Variants in TUBGCP4 observed in about 807,000 individuals in gnomAD.
TUBGCP4 encodes the protein gamma-tubulin complex component 4.
Under a neutral mutation model 91.6 loss-of-function variants are expected in TUBGCP4, and 54 were observed. The ratio of observed to expected loss-of-function variants is 0.59; its 90% CI spans 0.47 to 0.74. The LOEUF (loss-of-function observed/expected upper bound fraction) is 0.74, where lower values mean the gene tolerates loss of function less well. Among genes scored for constraint, TUBGCP4 ranks in the 30% least tolerant of loss-of-function variants. The probability of loss-of-function intolerance (pLI) is 0.00; values close to 1 mark genes in which losing one functional copy is unlikely to be tolerated. For missense variants in TUBGCP4, 593 were observed against 800.9 expected, an observed-to-expected ratio of 0.74 and a Z score of 3.13; for synonymous variants, 297 against 302.8, an observed-to-expected ratio of 0.98 and a Z score of 0.20.
At chr15:43,374,454 A>T (rs189651701) in intron 1 of TUBGCP4, among the ~76,000 whole-genome samples, 1,744 of 152,114 alleles carry the variant, frequency 0.011, 38 homozygotes, top group African/African-American at 0.039. Context: ...ACAAAAAAAA[A>T]ATTTTTAATT....
chr15:43,407,809 G>C lies in TUBGCP4; in HGVS notation c.*2595G>C, dbSNP rs1193629930. ...CACTTATGTTGACTCACCTCTTGAA[G>C]GTGGTACTTTTCTTCTCTAAGAAAC... On this transcript the variant is annotated 3_prime_UTR_variant, in exon 18 of 18. Transcript: ENST00000564079. The C allele has an allele frequency of 1.1e-6, 1 of 950,286 alleles. No homozygotes were observed. Among genetic ancestry groups the C allele is most frequent in the Non-Finnish European group, 1.6e-6 (1 of 634,884 alleles). 58.9% of individuals were successfully genotyped at this position (950,286 alleles called of 1,614,324 possible). A position where few individuals can be genotyped will look rare whatever the true frequency, so the allele number is the denominator to read the frequency against.
In TUBGCP4 at chr15:43,376,234, C is replaced by T. The variant is rs2044203218; in HGVS notation, c.207+8C>T. On this transcript the variant is annotated splice_region_variant and intron_variant, in intron 2 of 17. Coordinates refer to ENST00000564079, the MANE Select transcript of TUBGCP4 (RefSeq NM_014444.5). ...GGCCATGTGCAACAGCAGGTGGGTC[C>T]TGTTCTCTGTGGGTGTACACCTCTA... 1.2e-6 allele frequency: 2 copies of T among 1,613,068 alleles called. No individual in the cohort carries two copies. The highest frequency in any genetic ancestry group is 8.5e-7 in the Non-Finnish European group (1 of 1,179,660).
intron 9 of TUBGCP4, among the ~76,000 whole-genome samples, chr15:43,388,075 G>A (rs137961619): frequency 1.3e-5 from 2 of 151,798 alleles, no homozygotes; most frequent in Admixed American, 6.6e-5. Context: ...GGTCTTGAAC[G>A]TTTGGGCTCA....
intron 15 of TUBGCP4, chr15:43,402,577 A>C (rs909356890): frequency 6.6e-6 from 1 of 152,226 alleles, no homozygotes; most frequent in South Asian, 2.1e-4. Flanking sequence ...CTCTCGATCT[A>C]TGTATGTGTT....
chr15:43,407,339 A>G lies in TUBGCP4; in HGVS notation c.*2125A>G, dbSNP rs370609293. 62 of 1,574,398 alleles carry G rather than the reference A, an allele frequency of 3.9e-5. No homozygotes were observed. Among genetic ancestry groups the G allele is most frequent in the Admixed American group, 6.8e-5 (4 of 59,144 alleles). On this transcript the variant is annotated 3_prime_UTR_variant, in exon 18 of 18. Transcript: ENST00000564079. ...ACATTTAAAACCTGGTTAAAACACA[A>G]TCTCCACGATAGCAGGGAATAAAAC... is the stretch of plus-strand genomic sequence containing the variant.
chr15:43,376,328 A>C (rs1355697935), intron 2 of TUBGCP4, 102 bp downstream of exon 2: 19 of 1,597,786 alleles, frequency 1.2e-5, no homozygotes, highest in Non-Finnish European at 1.4e-5. Context: ...CAGTGAATTT[A>C]TCGGTAATTC....
Position 43,408,718 on chromosome 15 carries a change from G to T in TUBGCP4, c.*3504G>T. ...TTCACACATTTGCAAAAGGTTCCTA[G>T]CCAATGTAACCTAGGGAAATAAACT... On this transcript the variant is annotated 3_prime_UTR_variant, in exon 18 of 18. Coordinates refer to ENST00000564079, the MANE Select transcript of TUBGCP4 (RefSeq NM_014444.5). The T allele has an allele frequency of 1.6e-6, 1 of 619,662 alleles. No individual in the cohort carries two copies. 38.4% of individuals were successfully genotyped at this position (619,662 alleles called of 1,614,324 possible). A position where few individuals can be genotyped will look rare whatever the true frequency, so the allele number is the denominator to read the frequency against.
At chr15:43,401,627 A>G (rs2044682717) in intron 14 of TUBGCP4, 89 bp from the exon 15 acceptor site, 3 of 1,411,830 alleles carry the variant, frequency 2.1e-6, no homozygotes, top group African/African-American at 1.4e-5. Flanking sequence ...GTGGAGGCAA[A>G]GCATTTTCAT....
chr15:43,382,603 G>A (rs879489046), intron 6 of TUBGCP4, among the ~76,000 whole-genome samples: 2 of 152,188 alleles, frequency 1.3e-5, no homozygotes, highest in Non-Finnish European at 2.9e-5. Flanking sequence ...AGAATACTAT[G>A]TAGGTGATAT....
chr15:43,397,549 T>C (rs1163281451), intron 12 of TUBGCP4, among the ~76,000 whole-genome samples: 1 of 152,052 alleles, frequency 6.6e-6, no homozygotes, highest in African/African-American at 2.4e-5. Context: ...GTGTTTTTTT[T>C]TGTCATGCTG....
Position 43,377,195 on chromosome 15 carries a change from T to C in TUBGCP4, c.384+128T>C. The C allele has an allele frequency of 2.1e-5, 16 of 773,510 alleles. No homozygotes were observed. The South Asian group carries it at 2.6e-4, about 13-fold the overall frequency. The allele number at this position is 773,510 out of a possible 1,614,324, so 47.9% of individuals were successfully genotyped here. Reference sequence around the variant, plus strand: ...AGCCTAACATTTTATATTTTGTGCATTTTGTATGTTTTACTAGATCAAAAC... The same window carrying C: ...AGCCTAACATTTTATATTTTGTGCACTTTGTATGTTTTACTAGATCAAAAC... On this transcript the variant is annotated intron_variant, in intron 4 of 17. Coordinates refer to ENST00000564079, the MANE Select transcript of TUBGCP4 (RefSeq NM_014444.5).
intron 6 of TUBGCP4, 62 bp downstream of exon 6, chr15:43,380,225 C>A: frequency 7.1e-7 from 1 of 1,405,120 alleles, no homozygotes; most frequent in Non-Finnish European, 1.0e-6. Context: ...TTTGACTTCT[C>A]ACATGTTTTA....
At chr15:43,393,594 CG>C (rs1395473527) in intron 9 of TUBGCP4, among the ~76,000 whole-genome samples, 2 of 151,940 alleles carry the variant, frequency 1.3e-5, no homozygotes, top group Non-Finnish European at 2.9e-5. Flanking sequence ...TATCCCTCCC[CG>C]GTCCCCCCAC....
intron 9 of TUBGCP4, among the ~76,000 whole-genome samples, chr15:43,390,960 T>C (rs2044456650): frequency 6.6e-6 from 1 of 151,666 alleles, no homozygotes; most frequent in African/African-American, 2.4e-5. Context: ...GGACTAGAGG[T>C]GCATGCCACC....
chr15:43,385,847 A>G lies in TUBGCP4; in HGVS notation c.780A>G (p.Arg260=). The change falls in exon 8 of 18, where the codon CGA becomes CGG. Residue 260 remains arginine (R), a synonymous_variant. Coordinates refer to ENST00000564079, the MANE Select transcript of TUBGCP4 (RefSeq NM_014444.5). ...CATCTCTGAAGCAGTTTTCCCTACGAGTGGAGATTTTGCCATCCTACATTC... is the reference window on the plus strand; with the variant it reads ...CATCTCTGAAGCAGTTTTCCCTACGGGTGGAGATTTTGCCATCCTACATTC... ...LAPSLKQFSL[R]VEILPSYIPV... 2 of 1,614,150 alleles carry G rather than the reference A, an allele frequency of 1.2e-6. No homozygotes were observed.
In TUBGCP4 at chr15:43,386,344, C is replaced by CATATATATATATATATATATATATATAT. The variant is rs1566894338; in HGVS notation, c.1014+14_1014+15insATATATATATATATATATATATATATAT. 4.1e-6 allele frequency: 1 copy of CATATATATATATATATATATATATATAT among 245,006 alleles called. No homozygotes were observed. Among genetic ancestry groups the CATATATATATATATATATATATATATAT allele is most frequent in the Non-Finnish European group, 6.6e-6 (1 of 151,904 alleles). 15.2% of individuals were successfully genotyped at this position (245,006 alleles called of 1,614,324 possible). A position where few individuals can be genotyped will look rare whatever the true frequency, so the allele number is the denominator to read the frequency against. ...ACTGTGGCTGAGGTTTGTGTTTCAT[C>CATATATATATATATATATATATATATAT]GTATATATATATATATATATATATA... On this transcript the variant is annotated intron_variant, in intron 9 of 17. Coordinates refer to ENST00000564079, the MANE Select transcript of TUBGCP4 (RefSeq NM_014444.5).
At chr15:43,377,624 A>G (rs1595478218) in intron 4 of TUBGCP4, 1 of 476,396 alleles carries the variant, frequency 2.1e-6, no homozygotes, top group Non-Finnish European at 3.6e-6. Flanking sequence ...AAAAAAAAAA[A>G]AAAAGAAAAA....
Position 43,385,775 on chromosome 15 carries a change from C to T in TUBGCP4, c.724-16C>T, listed in dbSNP as rs775432269. The T allele has an allele frequency of 3.9e-5, 63 of 1,612,548 alleles. No homozygotes were observed. In the Middle Eastern group the frequency reaches 4.9e-4, roughly 13 times the overall value. ...GCTTCACACTGCATCTCGATGTGTA[C>T]TCTTTCCTTGACTAGCGCCTGATTG... On this transcript the variant is annotated splice_polypyrimidine_tract_variant and intron_variant, in intron 7 of 17. Transcript: ENST00000564079.
intron 9 of TUBGCP4, among the ~76,000 whole-genome samples, chr15:43,393,861 C>A (rs1180683376): frequency 6.6e-6 from 1 of 152,154 alleles, no homozygotes; most frequent in African/African-American, 2.4e-5. Flanking sequence ...ATCTCTTGAC[C>A]TTGTGCTCTG....
Sources: gnomAD v4.1 joint callset for allele counts (sites outside exome capture counted in the v4.1 genomes callset) on GRCh38, gnomAD v4.1.1 for gene constraint, MANE v1.5 for transcripts, NCBI Gene and HGNC (gene_info 2026-07-23, HGNC 2026-07-21) for gene names.